Variants in CPS1 observed in about 807,000 individuals in gnomAD.
The protein encoded by CPS1 is carbamoyl-phosphate synthase [ammonia], mitochondrial.
In CPS1, 109 loss-of-function variants were observed where a neutral mutation model predicts 174.6. The ratio of observed to expected loss-of-function variants is 0.62; its 90% CI spans 0.53 to 0.73. The LOEUF is 0.73. Ranked by LOEUF, CPS1 falls within the 30% of genes least tolerant of loss-of-function variation. The pLI, the probability that CPS1 is intolerant of heterozygous loss-of-function variation, is 0.00. For synonymous variants in CPS1, 637 were observed against 632.0 expected (o/e 1.01, Z -0.12); for missense variants, 1,689 against 1,821.9 (o/e 0.93, Z 1.33).
At chr2:210,556,094 C>G (rs1198437801), upstream of CPS1, among the ~76,000 whole-genome samples, 2 of 151,804 alleles carry the variant, frequency 1.3e-5, no homozygotes, top group Non-Finnish European at 2.9e-5. Context: ...CTCTATTAAC[C>G]CAAAACATAA....
intron 1 of CPS1, among the ~76,000 whole-genome samples, chr2:210,497,350 AT>A (rs1695014645): frequency 6.6e-6 from 1 of 152,096 alleles, no homozygotes; most frequent in African/African-American, 2.4e-5. Flanking sequence ...TTCATATCCT[AT>A]TTACCTCGGG....
intron 28 of CPS1, among the ~76,000 whole-genome samples, chr2:210,650,713 T>G (rs1700533762): frequency 6.6e-6 from 1 of 152,174 alleles, no homozygotes; most frequent in South Asian, 2.1e-4. Context: ...AAAACAGATT[T>G]TAGACTCCAG....
At chr2:210,609,583 T>A (rs551289671) in intron 19 of CPS1, among the ~76,000 whole-genome samples, 20 of 152,130 alleles carry the variant, frequency 1.3e-4, no homozygotes, top group African/African-American at 4.8e-4. Context: ...AGTGCTGAAG[T>A]ATGAACAAAT....
chr2:210,490,195 G>A (rs934493033), intron 1 of CPS1, among the ~76,000 whole-genome samples: 3 of 152,142 alleles, frequency 2.0e-5, no homozygotes, highest in African/African-American at 4.8e-5. Context: ...TTAGAAAAAC[G>A]TTCTTGTAGA....
intron 32 of CPS1, among the ~76,000 whole-genome samples, chr2:210,661,777 C>T (rs1420997569): frequency 6.6e-6 from 1 of 151,670 alleles, no homozygotes; most frequent in African/African-American, 2.4e-5. Context: ...TTTTTTTCCA[C>T]TGGAGATTCT....
Position 210,612,199 on chromosome 2 carries a change from C to A in CPS1, c.2474C>A (p.Pro825His), listed in dbSNP as rs1376614988. Residue 825 changes from proline to histidine, a missense_variant, in exon 20 of 38, where the codon CCC becomes CAC. By Grantham distance (77) the Pro-to-His change is moderately conservative. Coordinates refer to ENST00000233072, the MANE Select transcript of CPS1 (RefSeq NM_001875.5). The part of the protein sequence containing the change: ...MCHPSIEGFT[P>H]RLPMNKEWPS... ...CACCCATCTATAGAAGGTTTCACTCCCCGTCTCCCAATGAACAAAGAATGG... is the reference window on the plus strand; with the variant it reads ...CACCCATCTATAGAAGGTTTCACTCACCGTCTCCCAATGAACAAAGAATGG... 5 of 1,612,000 alleles carry A rather than the reference C, an allele frequency of 3.1e-6. No individual in the cohort carries two copies. The highest frequency in any genetic ancestry group is 1.6e-4 in the Middle Eastern group (1 of 6,074).
Position 210,556,742 on chromosome 2 carries a change from G to A in CPS1, c.9G>A (p.Arg3=), listed in dbSNP as rs2106037152. ...AGCCACAAATCATCAAAATGACGAG[G>A]ATTTTGACAGCTTTCAAAGTGGTGA... MT[R]ILTAFKVVRT... Residue 3 remains arginine (R), a synonymous_variant, in exon 1 of 38, where the codon AGG becomes AGA. Coordinates refer to ENST00000233072, the MANE Select transcript of CPS1 (RefSeq NM_001875.5). The A allele has an allele frequency of 6.2e-7, 1 of 1,612,672 alleles. No individual in the cohort carries two copies. Among genetic ancestry groups the A allele is most frequent in the South Asian group, 1.1e-5 (1 of 91,026 alleles).
rs1180269554 is a variant in CPS1, at chr2:210,503,121, T to G, written c.3+25355T>G. ...GGTGGATAATTTAACTCTTCCTAAC[T>G]CTACAGAAAAAGTGAGAAGCTCTAG... On this transcript the variant is annotated intron_variant, in intron 1 of 38. Transcript: ENST00000430249. Among the ~76,000 whole-genome samples, 9 of 152,150 alleles carry G rather than the reference T, an allele frequency of 5.9e-5. 1 individual carries two copies. Among genetic ancestry groups the G allele is most frequent in the Admixed American group, 4.6e-4 (7 of 15,270 alleles).
intron 9 of CPS1, 100 bp from the exon 10 acceptor site, chr2:210,591,731 T>C (rs1698306207): frequency 3.0e-6 from 4 of 1,353,942 alleles, no homozygotes; most frequent in Non-Finnish European, 4.1e-6. Context: ...AAATTTTGAA[T>C]TTTAATAGGC....
At position 210,573,295 on chromosome 2, in the gene CPS1, C is replaced by T. The variant is rs1697577992; in HGVS notation, c.127-3C>T. 6.2e-7 allele frequency: 1 copy of T among 1,611,266 alleles called. No individual in the cohort carries two copies. Among genetic ancestry groups the T allele is most frequent in the Non-Finnish European group, 8.5e-7 (1 of 1,177,518 alleles). ...GCTAAGATTCATGCAACTGTTTCTT[C>T]AGGCACAGACAGCACACATTGTCCT... On this transcript the variant is annotated splice_region_variant and splice_polypyrimidine_tract_variant and intron_variant, in intron 1 of 37. Transcript: ENST00000233072.
At chr2:210,649,862 G>T (rs929145974) in intron 27 of CPS1, among the ~76,000 whole-genome samples, 2 of 152,128 alleles carry the variant, frequency 1.3e-5, no homozygotes, top group African/African-American at 4.8e-5. Flanking sequence ...ACTGCACATT[G>T]TATTAGCAAA....
At position 210,675,924 on chromosome 2, in the gene CPS1, T is replaced by C. The variant is rs1171817156; in HGVS notation, c.4274+84T>C. The C allele has an allele frequency of 3.9e-6, 3 of 766,444 alleles. No homozygotes were observed. The African/African-American group carries it at 5.1e-5, about 13-fold the overall frequency. The allele number at this position is 766,444 out of a possible 1,614,324, so 47.5% of individuals were successfully genotyped here. On this transcript the variant is annotated intron_variant, in intron 36 of 37. Coordinates refer to ENST00000233072, the MANE Select transcript of CPS1 (RefSeq NM_001875.5). Reference sequence around the variant, plus strand: ...TATATGAATATTTCACCTTACTTGATTGCAAGTCTTTTAAAACAAATTTAA... The same window carrying C: ...TATATGAATATTTCACCTTACTTGACTGCAAGTCTTTTAAAACAAATTTAA...
At chr2:210,509,506 A>T (rs924753374) in intron 1 of CPS1, among the ~76,000 whole-genome samples, 1 of 152,206 alleles carries the variant, frequency 6.6e-6, no homozygotes, top group Non-Finnish European at 1.5e-5. Context: ...CTCCTATTCA[A>T]CATAGTGTTG....
Position 210,492,966 on chromosome 2 carries a change from A to C in CPS1, c.3+15200A>C, listed in dbSNP as rs537734460. 5.8e-4 allele frequency among the ~76,000 whole-genome samples: 89 copies of C among 152,294 alleles called. 3 individuals carry two copies. In the South Asian group the frequency reaches 0.018, roughly 32 times the overall value. The stretch of plus-strand genomic sequence containing the variant: ...TCAAAGTACTGACACATAGATTTTC[A>C]AGACGTCTGCAACAACTGCAATAAT... On this transcript the variant is annotated intron_variant, in intron 1 of 38. Transcript: ENST00000430249.
rs1002672646 is a variant in CPS1 at position 210,639,271 on chromosome 2, C to T, written c.2895+56C>T. The T allele has an allele frequency of 2.9e-5, 38 of 1,292,712 alleles. No homozygotes were observed. The African/African-American group carries it at 4.5e-4, about 15-fold the overall frequency. 80.1% of individuals were successfully genotyped at this position (1,292,712 alleles called of 1,614,324 possible). ...AGCTCTAGATTTCATAGACAGTTCA[C>T]ATTAGGGAATATATATTTTTTACCT... On this transcript the variant is annotated intron_variant, in intron 23 of 37. Coordinates refer to ENST00000233072, the MANE Select transcript of CPS1 (RefSeq NM_001875.5).
intron 13 of CPS1, among the ~76,000 whole-genome samples, chr2:210,599,105 C>G (rs770176033): frequency 1.3e-5 from 2 of 151,826 alleles, no homozygotes; most frequent in Non-Finnish European, 1.5e-5. Flanking sequence ...GAAATGGTCT[C>G]CAGCTTTGCC....
chr2:210,630,094 A>AC (rs965191207), intron 21 of CPS1, among the ~76,000 whole-genome samples: 13 of 149,286 alleles, frequency 8.7e-5, no homozygotes, highest in Non-Finnish European at 1.8e-4. Context: ...AAACAAAACA[A>AC]AAAAAAAAAA....
intron 29 of CPS1, among the ~76,000 whole-genome samples, chr2:210,656,006 C>A (rs568141410): frequency 1.3e-5 from 2 of 152,226 alleles, no homozygotes; most frequent in South Asian, 4.2e-4. Flanking sequence ...ACTTTTATTT[C>A]CTTACTTCTA....
intron 1 of CPS1, among the ~76,000 whole-genome samples, chr2:210,494,884 A>G (rs1014935449): frequency 6.6e-6 from 1 of 152,164 alleles, no homozygotes; most frequent in Non-Finnish European, 1.5e-5. Context: ...TGGGGTGCAC[A>G]TGGCATGCAA....
Sources: gnomAD v4.1 joint callset for allele counts (sites outside exome capture counted in the v4.1 genomes callset) on GRCh38, gnomAD v4.1.1 for gene constraint, MANE v1.5 for transcripts, NCBI Gene and HGNC (gene_info 2026-07-23, HGNC 2026-07-21) for gene names.